Variants in SHLD1 observed in about 807,000 individuals in gnomAD.
SHLD1 encodes the protein RINN1-REV7-interacting novel NHEJ regulator 3.
A neutral mutation model predicts 5.5 loss-of-function variants in SHLD1; 3 were observed. The observed-to-expected ratio is 0.54, with a 90% CI of 0.25 to 1.40. SHLD1 has a LOEUF of 1.40. SHLD1 is among the 40% of genes most tolerant of loss of function. SHLD1 has a pLI of 0.15. For synonymous variants in SHLD1, 92 were observed against 94.3 expected (o/e 0.98, Z 0.14); for missense variants, 210 against 244.4 (o/e 0.86, Z 0.94).
intron 1 of SHLD1, 47 bp from the exon 2 acceptor site, chr20:5,772,815 C>T (rs769608962): frequency 2.0e-6 from 3 of 1,497,062 alleles, no homozygotes; most frequent in Non-Finnish European, 2.7e-6. Context: ...AAGGATCCTG[C>T]TATGTGGTGC....
intron 2 of SHLD1, among the ~76,000 whole-genome samples, chr20:5,841,644 A>C (rs915962368): frequency 1.3e-5 from 2 of 152,222 alleles, no homozygotes; most frequent in African/African-American, 4.8e-5. Context: ...TGTTATCAGT[A>C]ATAACTCCAT....
rs533313849 is a variant in SHLD1, at chr20:5,775,923, A to ATTTTTTTT, written c.178+2895_178+2902dup. 1.7e-4 allele frequency among the ~76,000 whole-genome samples: 13 copies of ATTTTTTTT among 77,686 alleles called. 2 individuals carry two copies. Among genetic ancestry groups the ATTTTTTTT allele is most frequent in the African/African-American group, 1.8e-4 (3 of 16,798 alleles). 51.0% of individuals were successfully genotyped at this position (77,686 alleles called of 152,430 possible). A position where few individuals can be genotyped will look rare whatever the true frequency, so the allele number is the denominator to read the frequency against. ...TGCAGTACTGCCTGGTCAGCTCAGG[A>ATTTTTTTT]TTTTTTTTTTTTTTTTTTTTTTGAG... is the stretch of plus-strand genomic sequence containing the variant. On this transcript the variant is annotated intron_variant, in intron 2 of 2. Coordinates refer to ENST00000303142, the MANE Select transcript of SHLD1 (RefSeq NM_152504.4).
intron 2 of SHLD1, among the ~76,000 whole-genome samples, chr20:5,816,187 T>C (rs2122392884): frequency 6.6e-6 from 1 of 150,504 alleles, no homozygotes; most frequent in South Asian, 2.1e-4. Context: ...CAAATGTAAA[T>C]ATTATTTTAA....
At position 5,778,113 on chromosome 20, in the gene SHLD1, T is replaced by C. The variant is rs574104905; in HGVS notation, c.178+5070T>C. On this transcript the variant is annotated intron_variant, in intron 2 of 2. Coordinates refer to ENST00000303142, the MANE Select transcript of SHLD1 (RefSeq NM_152504.4). ...AGGCTGAGGCAGGAGGATCCCTTTT[T>C]CTTTTTTTTTTTTTTTTTTTTGAGA... Among the ~76,000 whole-genome samples the C allele has an allele frequency of 6.4e-5, 9 of 139,816 alleles. No homozygotes were observed. The East Asian group carries it at 1.9e-3, about 29-fold the overall frequency. 91.7% of individuals were successfully genotyped at this position (139,816 alleles called of 152,430 possible). A position where few individuals can be genotyped will look rare whatever the true frequency, so the allele number is the denominator to read the frequency against.
intron 2 of SHLD1, among the ~76,000 whole-genome samples, chr20:5,790,543 C>A (rs2087124504): frequency 1.3e-5 from 2 of 151,376 alleles, no homozygotes; most frequent in Admixed American, 1.3e-4. Context: ...AACTCCGCCC[C>A]CTGGGTTCAA....
At chr20:5,780,569 T>G (rs530273655) in intron 2 of SHLD1, among the ~76,000 whole-genome samples, 6 of 152,164 alleles carry the variant, frequency 3.9e-5, no homozygotes, top group African/African-American at 1.4e-4. Flanking sequence ...GACCTTAGAT[T>G]TAGGATATAG....
chr20:5,751,009 A>C (rs1600077450), intron 1 of SHLD1, among the ~76,000 whole-genome samples: 1 of 152,156 alleles, frequency 6.6e-6, no homozygotes, highest in Admixed American at 6.6e-5. Context: ...AAAATAAATA[A>C]TAAAGGGTAA....
intron 2 of SHLD1, among the ~76,000 whole-genome samples, chr20:5,844,831 G>T (rs1400494421): frequency 1.6e-5 from 2 of 127,746 alleles, no homozygotes; most frequent in Admixed American, 8.9e-5. Context: ...GTCTCACTCT[G>T]TCGCCTAGGC....
At chr20:5,838,161 C>T (rs1600168735) in intron 2 of SHLD1, among the ~76,000 whole-genome samples, 1 of 152,158 alleles carries the variant, frequency 6.6e-6, no homozygotes, top group Non-Finnish European at 1.5e-5. Flanking sequence ...ACCTGTGTAT[C>T]TGTGCATATA....
intron 2 of SHLD1, among the ~76,000 whole-genome samples, chr20:5,829,010 A>G (rs190242186): frequency 6.5e-4 from 99 of 152,244 alleles, no homozygotes; most frequent in African/African-American, 2.3e-3. Flanking sequence ...AGTAGCCGAG[A>G]CTACAGGCAT....
At chr20:5,832,637 T>C (rs1568524014) in intron 2 of SHLD1, among the ~76,000 whole-genome samples, 2 of 152,120 alleles carry the variant, frequency 1.3e-5, no homozygotes, top group South Asian at 4.2e-4. Flanking sequence ...TTGGCTAGTA[T>C]ATACATTATG....
intron 2 of SHLD1, among the ~76,000 whole-genome samples, chr20:5,856,043 C>G (rs546425943): frequency 6.6e-6 from 1 of 152,294 alleles, no homozygotes; most frequent in South Asian, 2.1e-4. Context: ...AACAGATCTA[C>G]TTGTATATGT....
intron 1 of SHLD1, among the ~76,000 whole-genome samples, chr20:5,769,456 G>C (rs1019730908): frequency 2.0e-5 from 3 of 152,192 alleles, no homozygotes; most frequent in African/African-American, 7.2e-5. Context: ...GGTGGACTAC[G>C]GACCCCCCAG....
At chr20:5,784,336 T>TA (rs1264097051) in intron 2 of SHLD1, among the ~76,000 whole-genome samples, 8 of 152,002 alleles carry the variant, frequency 5.3e-5, no homozygotes, top group Non-Finnish European at 1.0e-4. Flanking sequence ...TCTTTAAAAC[T>TA]AAAAAAGTAT....
At chr20:5,817,394 T>C (rs376634127) in intron 2 of SHLD1, among the ~76,000 whole-genome samples, 29 of 75,860 alleles carry the variant, frequency 3.8e-4, no homozygotes, top group African/African-American at 1.2e-3. Flanking sequence ...ACGGGATATT[T>C]TCTCTCTCTC....
chr20:5,861,460 C>CT (rs199849129), intron 2 of SHLD1, among the ~76,000 whole-genome samples: 2 of 152,172 alleles, frequency 1.3e-5, no homozygotes, highest in African/African-American at 4.8e-5. Flanking sequence ...AATGAGTTGC[C>CT]TTAATATCAG....
At chr20:5,845,776 G>A (rs1287019) in intron 2 of SHLD1, among the ~76,000 whole-genome samples, 46,826 of 151,946 alleles carry the variant, frequency 0.31, 9,169 homozygotes, top group African/African-American at 0.55. Context: ...CCTGAGGATG[G>A]AGATTTGTCA....
intron 1 of SHLD1, among the ~76,000 whole-genome samples, chr20:5,771,637 CAG>C (rs1315862844): frequency 1.3e-5 from 2 of 150,700 alleles, no homozygotes; most frequent in African/African-American, 2.4e-5. Flanking sequence ...TTTTTTGAGA[CAG>C]AGTCTTGCTC....
At chr20:5,764,095 C>T (rs1432794999) in intron 1 of SHLD1, among the ~76,000 whole-genome samples, 1 of 137,732 alleles carries the variant, frequency 7.3e-6, no homozygotes, top group East Asian at 2.0e-4. Context: ...CCACTGCACT[C>T]CAGCCTGGGT....
Sources: allele counts gnomAD v4.1 joint callset (sites outside exome capture counted in the v4.1 genomes callset), GRCh38; gene constraint gnomAD v4.1.1; transcripts MANE v1.5; gene names NCBI Gene and HGNC (gene_info 2026-07-23, HGNC 2026-07-21).